BCL2L11: variants seen among roughly 807,000 people sequenced by gnomAD.
BCL2L11 encodes bcl-2-like protein 11.
A neutral mutation model predicts 20.6 loss-of-function variants in BCL2L11; 15 were observed. The ratio of observed to expected loss-of-function variants is 0.73; its 90% CI spans 0.49 to 1.12. BCL2L11 has a LOEUF of 1.12. BCL2L11 is among the 50% of genes most tolerant of loss of function. The pLI, the probability that BCL2L11 is intolerant of heterozygous loss-of-function variation, is 0.00. For synonymous variants in BCL2L11, 108 were observed against 92.8 expected, an observed-to-expected ratio of 1.16 and a Z score of -0.94; for missense variants, 292 against 260.9, an observed-to-expected ratio of 1.12 and a Z score of -0.82.
In BCL2L11 at chr2:111,124,661, G is replaced by C. The variant is rs13421031; in HGVS notation, c.394+522G>C. On this transcript the variant is annotated intron_variant, in intron 2 of 3. Transcript: ENST00000393256. ...GTTGAGGTCCAAACATTAGCTTTCA[G>C]GTCTGTCTTCATTAAGCTAAAGTGT... is the stretch of plus-strand genomic sequence containing the variant. Among the ~76,000 whole-genome samples the C allele has an allele frequency of 9.9e-3, 1,511 of 152,208 alleles. 30 individuals carry two copies. Among genetic ancestry groups the C allele is most frequent in the African/African-American group, 0.034 (1,410 of 41,508 alleles).
chr2:111,152,364 G>A (rs544720120), intron 3 of BCL2L11, among the ~76,000 whole-genome samples: 13 of 152,214 alleles, frequency 8.5e-5, no homozygotes, highest in Non-Finnish European at 1.8e-4. Flanking sequence ...AAGAGCTCTG[G>A]GTACTGAGAT....
intron 2 of BCL2L11, chr2:111,128,892 T>C: frequency 7.6e-7 from 1 of 1,319,072 alleles, no homozygotes. Context: ...ACTAGAAAAA[T>C]GCACAATTAG....
At chr2:111,162,544 C>G (rs2078689894) in intron 3 of BCL2L11, among the ~76,000 whole-genome samples, 1 of 152,218 alleles carries the variant, frequency 6.6e-6, no homozygotes, top group Non-Finnish European at 1.5e-5. Flanking sequence ...AAAGAGTGGG[C>G]AGGAGATTTC....
intron 2 of BCL2L11, chr2:111,128,721 A>G: frequency 1.3e-6 from 2 of 1,549,802 alleles, no homozygotes; most frequent in Non-Finnish European, 1.7e-6. Context: ...GTCAAGATAC[A>G]GAACAACTCA....
chr2:111,125,147 A>G (rs1456952135), intron 2 of BCL2L11, among the ~76,000 whole-genome samples: 1 of 152,218 alleles, frequency 6.6e-6, no homozygotes, highest in East Asian at 1.9e-4. Context: ...GTTTTCCTAT[A>G]TTGCAAGATA....
At chr2:111,161,698 A>G in intron 3 of BCL2L11, 1 of 1,029,324 alleles carries the variant, frequency 9.7e-7, no homozygotes, top group Non-Finnish European at 1.3e-6. Flanking sequence ...CTGACTTTCC[A>G]ATTCCATCTT....
At chr2:111,153,699 T>TA in intron 3 of BCL2L11, 2 of 1,511,142 alleles carry the variant, frequency 1.3e-6, no homozygotes, top group South Asian at 2.4e-5. Flanking sequence ...TTAATGCTAT[T>TA]ACAATGCCTT....
intron 2 of BCL2L11, chr2:111,146,383 C>A: frequency 2.4e-6 from 1 of 415,364 alleles, no homozygotes; most frequent in Non-Finnish European, 3.2e-6. Flanking sequence ...AAATGTCAAC[C>A]TAAGTTATCT....
At chr2:111,135,411 G>A (rs1232693595) in intron 2 of BCL2L11, among the ~76,000 whole-genome samples, 2 of 152,086 alleles carry the variant, frequency 1.3e-5, no homozygotes, top group East Asian at 3.9e-4. Context: ...GGGGAGATGT[G>A]TAAGCTTGGC....
chr2:111,122,475 C>T (rs890101019), intron 1 of BCL2L11, among the ~76,000 whole-genome samples: 4 of 152,192 alleles, frequency 2.6e-5, no homozygotes, highest in Non-Finnish European at 5.9e-5. Context: ...ATCGCCTCGC[C>T]TTTGGCGGCC....
At chr2:111,143,936 GAA>G (rs914274795) in intron 2 of BCL2L11, among the ~76,000 whole-genome samples, 1 of 152,118 alleles carries the variant, frequency 6.6e-6, no homozygotes, top group Non-Finnish European at 1.5e-5. Flanking sequence ...GTGAATGAGG[GAA>G]AAAATCTCAT....
rs1286273190 is a variant in BCL2L11, at chr2:111,123,813, A to G, written c.68A>G (p.Glu23Gly). The G allele has an allele frequency of 6.7e-7, 1 of 1,497,380 alleles. No homozygotes were observed. Among genetic ancestry groups the G allele is most frequent in the Non-Finnish European group, 8.9e-7 (1 of 1,123,242 alleles). The allele number at this position is 1,497,380 out of a possible 1,614,324, so 92.8% of individuals were successfully genotyped here. The change falls in exon 2 of 4, where the codon GAG becomes GGG. Residue 23 changes from glutamate to glycine, a missense_variant. By Grantham distance (98) the Glu-to-Gly change is moderately conservative. Transcript: ENST00000393256. ...GAAGGTAGACAATTGCAGCCTGCGG[A>G]GAGGCCTCCCCAGCTCAGACCTGGG... Reference protein sequence around the residue: ...DREGRQLQPAERPPQLRPGAP... With the variant: ...DREGRQLQPAGRPPQLRPGAP...
rs907689657 is a variant in BCL2L11, at chr2:111,167,984, G to A, written c.*3753G>A. 1.3e-5 allele frequency: 2 copies of A among 152,682 alleles called. No homozygotes were observed. Among genetic ancestry groups the A allele is most frequent in the Non-Finnish European group, 2.9e-5 (2 of 68,080 alleles). The allele number at this position is 152,682 out of a possible 1,614,324, so 9.5% of individuals were successfully genotyped here. On this transcript the variant is annotated 3_prime_UTR_variant, in exon 4 of 4. Coordinates refer to ENST00000393256, the MANE Select transcript of BCL2L11 (RefSeq NM_138621.5). ...GCCATCCCTGCTGATTTAGCCTGGTGCCTGTGTGTGTCCACTCACGTACAC... is the reference window on the plus strand; with the variant it reads ...GCCATCCCTGCTGATTTAGCCTGGTACCTGTGTGTGTCCACTCACGTACAC...
At chr2:111,153,659 A>G in intron 3 of BCL2L11, 2 of 1,217,850 alleles carry the variant, frequency 1.6e-6, no homozygotes, top group Non-Finnish European at 2.3e-6. Context: ...ATGGATATTA[A>G]CCTTTTAAAT....
chr2:111,131,105 G>A (rs868380183), intron 2 of BCL2L11, among the ~76,000 whole-genome samples: 1 of 151,772 alleles, frequency 6.6e-6, no homozygotes, highest in South Asian at 2.1e-4. Flanking sequence ...ATTAGGAAGG[G>A]TTCCCTCTTT....
chr2:111,135,896 C>T (rs2074787869), intron 2 of BCL2L11, among the ~76,000 whole-genome samples: 1 of 152,228 alleles, frequency 6.6e-6, no homozygotes, highest in African/African-American at 2.4e-5. Context: ...AACTGCCCTA[C>T]TAACACTGCT....
In BCL2L11 at chr2:111,120,966, GCGCCGCTGCCGCTGCCGCCGC is replaced by G. The variant is rs1208880281; in HGVS notation, c.-229_-209del. ...GCAGTTTGTTGGAGCTCTGCGTCCA[GCGCCGCTGCCGCTGCCGCCGC>G]CGCCGCCGCCGCCGCCGCCGCCGCC... On this transcript the variant is annotated 5_prime_UTR_variant, in exon 1 of 4. Coordinates refer to ENST00000393256, the MANE Select transcript of BCL2L11 (RefSeq NM_138621.5). 3 of 368,026 alleles carry G rather than the reference GCGCCGCTGCCGCTGCCGCCGC, an allele frequency of 8.2e-6. 1 individual carries two copies. The highest frequency in any genetic ancestry group is 1.4e-5 in the Non-Finnish European group (3 of 213,460). 22.8% of individuals were successfully genotyped at this position (368,026 alleles called of 1,614,324 possible).
rs780582018 is a variant in BCL2L11, at chr2:111,164,117, C to T, written c.499-16C>T. On this transcript the variant is annotated splice_polypyrimidine_tract_variant and intron_variant, in intron 3 of 3. Transcript: ENST00000393256. ...AATTAGGGAGAAACTAAGAAGCTTTCCTTTTGTTGTTTCAGGTATTTTTGA... is the reference window on the plus strand; with the variant it reads ...AATTAGGGAGAAACTAAGAAGCTTTTCTTTTGTTGTTTCAGGTATTTTTGA... 2 of 991,708 alleles carry T rather than the reference C, an allele frequency of 2.0e-6. No homozygotes were observed. The highest frequency in any genetic ancestry group is 2.5e-5 in the South Asian group (2 of 80,292). 61.4% of individuals were successfully genotyped at this position (991,708 alleles called of 1,614,324 possible). A position where few individuals can be genotyped will look rare whatever the true frequency, so the allele number is the denominator to read the frequency against.
At chr2:111,122,908 A>C in intron 1 of BCL2L11, 1 of 985,014 alleles carries the variant, frequency 1.0e-6, no homozygotes, top group South Asian at 4.7e-5. Flanking sequence ...CTGCGCTCTG[A>C]AGGGAAGGCG....
Sources: allele counts gnomAD v4.1 joint callset (sites outside exome capture counted in the v4.1 genomes callset), GRCh38; gene constraint gnomAD v4.1.1; transcripts MANE v1.5; gene names NCBI Gene and HGNC (gene_info 2026-07-23, HGNC 2026-07-21).